PECAM1: variants seen among roughly 807,000 people sequenced by gnomAD.
PECAM1 encodes the protein platelet and endothelial cell adhesion molecule 1.
Under a neutral mutation model 13.8 loss-of-function variants are expected in PECAM1, and 8 were observed. The ratio of observed to expected loss-of-function variants is 0.58; its 90% CI spans 0.34 to 1.05. PECAM1 has a LOEUF of 1.05. Ranked by LOEUF, PECAM1 falls within the 50% of genes least tolerant of loss-of-function variation. The pLI is 0.03. For missense variants in PECAM1, 304 were observed against 141.2 expected (o/e 2.15, Z -5.84); for synonymous variants, 136 against 52.6 (o/e 2.58, Z -6.86).
chr17:64,342,317 C>T lies in PECAM1; in HGVS notation c.2108-627G>A, dbSNP rs1044428851. ...GCCCCCAGCAAGGGCCTGCAGCCTC[C>T]AGCTTGCTGGCCCCACTCCTCTTCC... On this transcript the variant is annotated intron_variant, in intron 13 of 15. Coordinates refer to ENST00000563924, the MANE Select transcript of PECAM1 (RefSeq NM_000442.5). 3.3e-5 allele frequency among the ~76,000 whole-genome samples: 5 copies of T among 152,288 alleles called. No homozygotes were observed. The East Asian group carries it at 9.7e-4, about 29-fold the overall frequency.
At chr17:64,377,447 A>C (rs1353934595) in intron 3 of PECAM1, 1 of 153,748 alleles carries the variant, frequency 6.5e-6, no homozygotes, top group Non-Finnish European at 1.4e-5. Flanking sequence ...CCCCATCTCT[A>C]CTAAAAATAC....
Position 64,323,552 on chromosome 17 carries a change from G to GT in PECAM1, c.*263dup. The GT allele has an allele frequency of 1.4e-6, 2 of 1,408,418 alleles. No individual in the cohort carries two copies. Among genetic ancestry groups the GT allele is most frequent in the Non-Finnish European group, 9.2e-7 (1 of 1,083,932 alleles). The allele number at this position is 1,408,418 out of a possible 1,614,324, so 87.2% of individuals were successfully genotyped here. On this transcript the variant is annotated 3_prime_UTR_variant, in exon 16 of 16. Transcript: ENST00000563924. ...ATGGCCTTGCCCTGGATCTCCTCTT[G>GT]TGCTCTTCCAATTTCCAAGGATGTT...
intron 4 of PECAM1, among the ~76,000 whole-genome samples, chr17:64,372,251 A>AAAAG (rs1329065827): frequency 1.3e-5 from 2 of 152,256 alleles, no homozygotes; most frequent in Admixed American, 1.3e-4. Context: ...CTCTATTTAA[A>AAAAG]AAAGAAAGAA....
chr17:64,382,060 A>G (rs1287427961), intron 2 of PECAM1, among the ~76,000 whole-genome samples: 2 of 152,150 alleles, frequency 1.3e-5, no homozygotes, highest in Non-Finnish European at 2.9e-5. Context: ...AGGTCATGCC[A>G]TTGCACTCCA....
intron 14 of PECAM1, among the ~76,000 whole-genome samples, chr17:64,337,753 A>G (rs1217447302): frequency 2.0e-5 from 3 of 152,108 alleles, no homozygotes; most frequent in Non-Finnish European, 4.4e-5. Context: ...GAGAGAACCC[A>G]CTTGAACAGC....
At chr17:64,342,663 T>C (rs2035464384) in intron 13 of PECAM1, among the ~76,000 whole-genome samples, 1 of 151,846 alleles carries the variant, frequency 6.6e-6, no homozygotes, top group Non-Finnish European at 1.5e-5. Context: ...AGGGCTGAGA[T>C]CCTCTGGGCT....
chr17:64,350,934 T>C (rs2035707903), intron 11 of PECAM1, among the ~76,000 whole-genome samples: 1 of 152,158 alleles, frequency 6.6e-6, no homozygotes, highest in Non-Finnish European at 1.5e-5. Flanking sequence ...TGGAGTGCAA[T>C]GTTGAGATCT....
chr17:64,378,247 C>T (rs1028654247), intron 2 of PECAM1, 130 bp from the exon 3 acceptor site: 48 of 397,408 alleles, frequency 1.2e-4, no homozygotes, highest in Admixed American at 7.9e-4. Context: ...TTCTACGTGC[C>T]TACAGGGCCA....
At chr17:64,334,480 A>T (rs2035214569) in intron 14 of PECAM1, among the ~76,000 whole-genome samples, 2 of 152,016 alleles carry the variant, frequency 1.3e-5, no homozygotes, top group East Asian at 3.9e-4. Context: ...CAGCTGGCTC[A>T]CTGATCTCAC....
chr17:64,380,271 T>A (rs1336236811), intron 2 of PECAM1, among the ~76,000 whole-genome samples: 1 of 151,854 alleles, frequency 6.6e-6, no homozygotes, highest in Non-Finnish European at 1.5e-5. Flanking sequence ...GAGGTTGCAG[T>A]GAGCTGAGAT....
At chr17:64,382,221 C>T (rs992722418) in intron 2 of PECAM1, among the ~76,000 whole-genome samples, 4 of 152,208 alleles carry the variant, frequency 2.6e-5, no homozygotes, top group South Asian at 2.1e-4. Context: ...ATTACCTCTT[C>T]AGTACTTCCT....
intron 2 of PECAM1, among the ~76,000 whole-genome samples, chr17:64,382,304 C>T (rs1271735470): frequency 1.8e-4 from 28 of 152,242 alleles, no homozygotes; most frequent in African/African-American, 6.0e-4. Context: ...ATCAAGTGCA[C>T]GGAGCCAGAC....
Position 64,323,615 on chromosome 17 carries a change from A to G in PECAM1, c.*201T>C, listed in dbSNP as rs2034860840. 7.0e-7 allele frequency: 1 copy of G among 1,437,946 alleles called. No homozygotes were observed. Among genetic ancestry groups the G allele is most frequent in the Admixed American group, 2.7e-5 (1 of 36,554 alleles). 89.1% of individuals were successfully genotyped at this position (1,437,946 alleles called of 1,614,324 possible). A position where few individuals can be genotyped will look rare whatever the true frequency, so the allele number is the denominator to read the frequency against. On this transcript the variant is annotated 3_prime_UTR_variant, in exon 16 of 16. Coordinates refer to ENST00000563924, the MANE Select transcript of PECAM1 (RefSeq NM_000442.5). ...AAGGAGGGTATGTGGGAAATTCAAC[A>G]GCCCCTCTGTATCTCTTTCTACCCA...
chr17:64,329,386 C>T (rs1598274687), intron 15 of PECAM1, among the ~76,000 whole-genome samples: 1 of 152,160 alleles, frequency 6.6e-6, no homozygotes, highest in African/African-American at 2.4e-5. Flanking sequence ...CAAGCATACA[C>T]CCTAGATCTG....
chr17:64,330,212 T>C (rs1336928663), intron 14 of PECAM1, among the ~76,000 whole-genome samples: 8 of 151,900 alleles, frequency 5.3e-5, no homozygotes, highest in African/African-American at 1.7e-4. Flanking sequence ...AGAAATGGAG[T>C]TTTGCCATGT....
intron 15 of PECAM1, among the ~76,000 whole-genome samples, chr17:64,327,277 A>G (rs1361859945): frequency 6.6e-6 from 1 of 152,222 alleles, no homozygotes; most frequent in Admixed American, 6.5e-5. Context: ...ACCAGCTTTT[A>G]TATGGTGGTT....
At position 64,347,621 on chromosome 17, in the gene PECAM1, TA is replaced by T. The variant is rs1289914406; in HGVS notation, c.2107+638del. On this transcript the variant is annotated intron_variant, in intron 13 of 15. Transcript: ENST00000563924. ...ATATTATATATAAAATATATAAAAA[TA>T]AAAAATAAAAATATATAAAATATTA... Among the ~76,000 whole-genome samples the T allele has an allele frequency of 9.2e-5, 13 of 141,674 alleles. No homozygotes were observed. The South Asian group carries it at 2.6e-3, about 28-fold the overall frequency. The allele number at this position is 141,674 out of a possible 152,430, so 92.9% of individuals were successfully genotyped here. A position where few individuals can be genotyped will look rare whatever the true frequency, so the allele number is the denominator to read the frequency against.
rs914082349 is a variant in PECAM1, at chr17:64,343,937, G to C, written c.2108-2247C>G. On this transcript the variant is annotated intron_variant, in intron 13 of 15. Coordinates refer to ENST00000563924, the MANE Select transcript of PECAM1 (RefSeq NM_000442.5). ...AAATCACTCACTCAGCAGAATCCTA[G>C]ACACCTAGTGTGAACCCCGCACTGT... 3.3e-5 allele frequency among the ~76,000 whole-genome samples: 5 copies of C among 152,184 alleles called. No individual in the cohort carries two copies. In the East Asian group the frequency reaches 9.6e-4, roughly 29 times the overall value.
In PECAM1 at chr17:64,369,758, T is replaced by A. The variant is rs1232113150; in HGVS notation, c.959A>T (p.Asn320Ile). Residue 320 changes from asparagine (N) to isoleucine (I), a missense_variant, in exon 5 of 16, where the codon AAC becomes ATC. By Grantham distance (149) the Asn-to-Ile change is moderately radical. Transcript: ENST00000563924. ...RISKVSSIVV[N>I]ITELFSKPEL... is the part of the protein sequence containing the mutation. ...CGCAGCAGCAGCCCTACCTGTTATG[T>A]TGACCACGATGCTGCTGACCTTGGA... The A allele has an allele frequency of 1.5e-5, 6 of 398,586 alleles. No homozygotes were observed. The highest frequency in any genetic ancestry group is 4.1e-5 in the African/African-American group (2 of 48,628). The allele number at this position is 398,586 out of a possible 1,614,324, so 24.7% of individuals were successfully genotyped here. A position where few individuals can be genotyped will look rare whatever the true frequency, so the allele number is the denominator to read the frequency against.
Sources: gnomAD v4.1 joint callset for allele counts (sites outside exome capture counted in the v4.1 genomes callset) on GRCh38, gnomAD v4.1.1 for gene constraint, MANE v1.5 for transcripts, NCBI Gene and HGNC (gene_info 2026-07-23, HGNC 2026-07-21) for gene names.